The following AKAP12 variants were observed in gnomAD, a reference collection of about 807,000 sequenced individuals.
AKAP12 encodes the protein A-kinase anchoring protein 12.
AKAP12 carries 32 observed loss-of-function variants against 79.9 expected under a neutral mutation model. That is an observed-to-expected ratio of 0.40 (90% CI 0.30 to 0.54). AKAP12 has a LOEUF of 0.54. AKAP12 is among the 20% of genes least tolerant of loss of function. The pLI, the probability that AKAP12 is intolerant of heterozygous loss-of-function variation, is 0.48. For synonymous variants in AKAP12, 808 were observed against 857.0 expected, an observed-to-expected ratio of 0.94 and a Z score of 1.00; for missense variants, 2,074 against 2,177.0, an observed-to-expected ratio of 0.95 and a Z score of 0.94.
At chr6:151,313,749 G>T (rs186881468) in intron 3 of AKAP12, among the ~76,000 whole-genome samples, 2 of 152,240 alleles carry the variant, frequency 1.3e-5, no homozygotes, top group East Asian at 3.9e-4. Context: ...TAATTCTAGG[G>T]CGCTAGACAC....
At chr6:151,345,160 C>T (rs946077461) in intron 3 of AKAP12, among the ~76,000 whole-genome samples, 3 of 151,946 alleles carry the variant, frequency 2.0e-5, no homozygotes, top group African/African-American at 7.3e-5. Flanking sequence ...ACTGCAACCT[C>T]CACCTCCCGG....
At chr6:151,318,845 A>T (rs1044894697) in intron 3 of AKAP12, among the ~76,000 whole-genome samples, 1 of 152,206 alleles carries the variant, frequency 6.6e-6, no homozygotes, top group South Asian at 2.1e-4. Flanking sequence ...CCAGAGGCTC[A>T]GGCAGGAGAA....
At chr6:151,260,424 G>A (rs750746399) in intron 2 of AKAP12, among the ~76,000 whole-genome samples, 34 of 152,166 alleles carry the variant, frequency 2.2e-4, no homozygotes, top group African/African-American at 5.8e-4. Context: ...CTATGCTGCC[G>A]AATAGGAGAT....
At chr6:151,272,604 C>T (rs548177457) in intron 2 of AKAP12, among the ~76,000 whole-genome samples, 2 of 152,238 alleles carry the variant, frequency 1.3e-5, no homozygotes, top group South Asian at 2.1e-4. Context: ...ACTGCAACCT[C>T]GGCTCACTGC....
In AKAP12 at chr6:151,351,939, C is replaced by G. The variant is rs41289375; in HGVS notation, c.3548C>G (p.Pro1183Arg). ...GSTPVADFDA[P>R]GTTQKDEIVE... ...ACCCCCGTAGCCGACTTTGACGCAC[C>G]AGGCACAACCCAGAAAGACGAGATT... The change falls in exon 4 of 5, where the codon CCA (proline) becomes CGA (arginine). Residue 1183 changes from proline to arginine, a missense_variant. This residue lies in a region of AKAP12 where 32 missense variants were observed against 60.4 expected (regional missense o/e 0.53). Coordinates refer to ENST00000402676, the MANE Select transcript of AKAP12 (RefSeq NM_005100.4). This position sits in a 1 kb window ranked among gnomAD's most constrained non-coding sequence, Gnocchi z 4.4. 78,207 of 1,614,100 alleles carry G rather than the reference C, an allele frequency of 0.048. 2,193 individuals are homozygous for G. The highest frequency in any genetic ancestry group is 0.055 in the Non-Finnish European group (64,622 of 1,180,004).
At chr6:151,258,207 T>C (rs2114694054) in intron 2 of AKAP12, among the ~76,000 whole-genome samples, 1 of 152,338 alleles carries the variant, frequency 6.6e-6, no homozygotes, top group South Asian at 2.1e-4. Flanking sequence ...TATGTGAACT[T>C]GAACGAAGAT....
intron 2 of AKAP12, among the ~76,000 whole-genome samples, chr6:151,258,861 C>A (rs942443674): frequency 2.0e-5 from 3 of 151,704 alleles, no homozygotes; most frequent in African/African-American, 4.8e-5. Flanking sequence ...CTCCTGACCT[C>A]AAGTGATCTG....
intron 2 of AKAP12, among the ~76,000 whole-genome samples, chr6:151,252,290 C>T (rs570534926): frequency 4.6e-5 from 7 of 151,866 alleles, no homozygotes; most frequent in Admixed American, 2.6e-4. Flanking sequence ...CCCCGCCTCC[C>T]GGGTTCAAGA....
At chr6:151,339,378 A>G (rs222578) in intron 3 of AKAP12, among the ~76,000 whole-genome samples, 78,692 of 152,170 alleles carry the variant, frequency 0.52, 24,187 homozygotes, top group African/African-American at 0.86. Context: ...GATACCACAC[A>G]CCTATATGAC....
Position 151,351,050 on chromosome 6 carries a change from A to T in AKAP12, c.2659A>T (p.Ser887Cys), listed in dbSNP as rs61748676. The T allele has an allele frequency of 0.029, 46,774 of 1,614,106 alleles. 822 individuals carry two copies. The highest frequency in any genetic ancestry group is 0.033 in the Non-Finnish European group (38,500 of 1,180,012). Residue 887 changes from serine (S) to cysteine (C), a missense_variant, in exon 4 of 5, where the codon AGT becomes TGT. Transcript: ENST00000402676. This position sits in a 1 kb window ranked among gnomAD's most constrained non-coding sequence, Gnocchi z 4.4. ...ATEVSKELSE[S>C]QVHMMAAAVA... is the part of the protein sequence containing the mutation. ...TGAGGTGTCCAAGGAGCTCAGCGAG[A>T]GTCAGGTTCATATGATGGCAGCAGC...
At chr6:151,267,997 T>G (rs573098913) in intron 2 of AKAP12, among the ~76,000 whole-genome samples, 5 of 152,304 alleles carry the variant, frequency 3.3e-5, no homozygotes, top group African/African-American at 1.2e-4. Context: ...CTATGCATGC[T>G]CCTTGAGTGT....
At chr6:151,251,528 G>T (rs941183239) in intron 2 of AKAP12, among the ~76,000 whole-genome samples, 1 of 152,150 alleles carries the variant, frequency 6.6e-6, no homozygotes, top group Non-Finnish European at 1.5e-5. Flanking sequence ...GAGATTTTAA[G>T]AGTTGGAAGA....
chr6:151,309,316 TAA>T (rs747784536), intron 3 of AKAP12, among the ~76,000 whole-genome samples: 11 of 152,212 alleles, frequency 7.2e-5, no homozygotes, highest in Admixed American at 3.9e-4. Flanking sequence ...ACTGTCCACT[TAA>T]ATAAGAAGAG....
intron 2 of AKAP12, among the ~76,000 whole-genome samples, chr6:151,293,195 A>G (rs1195735507): frequency 1.3e-5 from 2 of 152,224 alleles, no homozygotes; most frequent in Non-Finnish European, 2.9e-5. Context: ...TTACTACCAA[A>G]TGAGGATTCT....
chr6:151,319,378 TATAG>T (rs1376858389), intron 3 of AKAP12, among the ~76,000 whole-genome samples: 7 of 151,452 alleles, frequency 4.6e-5, no homozygotes, highest in African/African-American at 1.7e-4. Context: ...TCAGGGTGTG[TATAG>T]ATAGATAGAT....
chr6:151,295,394 A>G (rs72994100), intron 2 of AKAP12, among the ~76,000 whole-genome samples: 23,267 of 152,216 alleles, frequency 0.15, 1,995 homozygotes, highest in Middle Eastern at 0.25. Context: ...ATGGTTAACT[A>G]ACTTTCATGA....
chr6:151,331,884 C>CAA (rs565268957), intron 3 of AKAP12, among the ~76,000 whole-genome samples: 28,670 of 93,574 alleles, frequency 0.31, 4,443 homozygotes, highest in East Asian at 0.56. Flanking sequence ...GACTCCGTCT[C>CAA]AAAAAAAAAA....
chr6:151,243,475 A>G (rs147173864), intron 2 of AKAP12, among the ~76,000 whole-genome samples: 34 of 152,354 alleles, frequency 2.2e-4, no homozygotes, highest in South Asian at 1.2e-3. Flanking sequence ...TGGTTGAATT[A>G]TCACTTGTAT....
chr6:151,269,578 T>C (rs1196101937), intron 2 of AKAP12, among the ~76,000 whole-genome samples: 2 of 152,246 alleles, frequency 1.3e-5, no homozygotes, highest in Non-Finnish European at 2.9e-5. Flanking sequence ...TTATGATTAA[T>C]AGGAAATGAA....
Sources: gnomAD v4.1 joint callset for allele counts (sites outside exome capture counted in the v4.1 genomes callset) on GRCh38, gnomAD v4.1.1 for gene constraint, gnomAD v4.1.1 regional missense constraint, Gnocchi (gnomAD v3.1) non-coding constraint, MANE v1.5 for transcripts, NCBI Gene and HGNC (gene_info 2026-07-23, HGNC 2026-07-21) for gene names.